The following WWOX variants were observed in gnomAD, a reference collection of about 807,000 sequenced individuals.
WWOX encodes the protein WW domain-containing oxidoreductase.
A neutral mutation model predicts 46.2 loss-of-function variants in WWOX; 69 were observed. The observed-to-expected ratio is 1.49, with a 90% CI of 1.23 to 1.82. The LOEUF (loss-of-function observed/expected upper bound fraction) is 1.82. Ranked by LOEUF, WWOX falls within the 40% of genes most tolerant of loss-of-function variation. The pLI is 0.00. For synonymous variants in WWOX, 359 were observed against 202.6 expected (o/e 1.77, Z -6.56); for missense variants, 919 against 542.6 (o/e 1.69, Z -6.89).
chr16:78,283,686 A>G (rs1285512400), intron 5 of WWOX, among the ~76,000 whole-genome samples: 1 of 151,936 alleles, frequency 6.6e-6, no homozygotes, highest in African/African-American at 2.4e-5. Flanking sequence ...TTCTTAAGAC[A>G]TCGAAAAATT....
At chr16:78,490,207 A>C (rs1337057287) in intron 8 of WWOX, among the ~76,000 whole-genome samples, 1 of 151,870 alleles carries the variant, frequency 6.6e-6, no homozygotes, top group Non-Finnish European at 1.5e-5. Flanking sequence ...AGGACGTACA[A>C]GGTGAATAGC....
At chr16:78,611,489 C>T (rs2045899116) in intron 8 of WWOX, among the ~76,000 whole-genome samples, 1 of 152,172 alleles carries the variant, frequency 6.6e-6, no homozygotes, top group South Asian at 2.1e-4. Context: ...TCCCTGGAGG[C>T]CTCCCTGCCC....
chr16:78,261,772 GTATCTATCTATCTATCTATATATATATA>G (rs1229590667), intron 5 of WWOX, among the ~76,000 whole-genome samples: 4 of 129,992 alleles, frequency 3.1e-5, no homozygotes, highest in Admixed American at 1.5e-4. Flanking sequence ...ATCTATCTAT[GTATCTATCTATCTATCTATATATATATA>G]TATATATATA....
intron 8 of WWOX, among the ~76,000 whole-genome samples, chr16:79,153,983 C>T (rs1467152874): frequency 2.6e-5 from 4 of 152,132 alleles, no homozygotes; most frequent in African/African-American, 9.7e-5. Context: ...CATGGATGCA[C>T]CCCAGAAGCA....
chr16:78,384,934 G>C (rs2082029468), intron 5 of WWOX, among the ~76,000 whole-genome samples: 1 of 152,066 alleles, frequency 6.6e-6, no homozygotes, highest in Non-Finnish European at 1.5e-5. Flanking sequence ...AAGAGATTGA[G>C]ACCATCCTGG....
chr16:78,948,166 G>A (rs1361196765), intron 8 of WWOX, among the ~76,000 whole-genome samples: 2 of 152,178 alleles, frequency 1.3e-5, no homozygotes, highest in African/African-American at 2.4e-5. Flanking sequence ...GGTAACACCT[G>A]CCTCCGTGGT....
chr16:78,855,988 C>G (rs923762322), intron 8 of WWOX, among the ~76,000 whole-genome samples: 4 of 152,130 alleles, frequency 2.6e-5, no homozygotes, highest in Admixed American at 1.3e-4. Context: ...ACAAGGTACC[C>G]AAGAAGGAGG....
chr16:78,732,681 G>C (rs893096481), intron 8 of WWOX, among the ~76,000 whole-genome samples: 3 of 151,980 alleles, frequency 2.0e-5, no homozygotes, highest in African/African-American at 7.2e-5. Context: ...GATAGGTGCA[G>C]GCATATATGA....
At chr16:78,702,987 C>G (rs989335121) in intron 8 of WWOX, among the ~76,000 whole-genome samples, 6 of 152,158 alleles carry the variant, frequency 3.9e-5, no homozygotes, top group Non-Finnish European at 7.4e-5. Context: ...CATAGGATAA[C>G]TCTCCGCTCC....
chr16:78,182,903 A>AT (rs1338355305), intron 5 of WWOX, among the ~76,000 whole-genome samples: 5 of 146,504 alleles, frequency 3.4e-5, no homozygotes, highest in African/African-American at 1.3e-4. Context: ...GTGAGCCGAG[A>AT]TTGCGCCACT....
chr16:78,128,826 C>T (rs1291731936), intron 4 of WWOX, among the ~76,000 whole-genome samples: 4 of 152,184 alleles, frequency 2.6e-5, no homozygotes, highest in African/African-American at 9.7e-5. Context: ...CTGTGTGATA[C>T]AGCAAGGCAG....
At chr16:78,255,564 T>G (rs2038105984) in intron 5 of WWOX, among the ~76,000 whole-genome samples, 1 of 152,116 alleles carries the variant, frequency 6.6e-6, no homozygotes, top group South Asian at 2.1e-4. Flanking sequence ...GGGGGCATGT[T>G]TACTCTCCTG....
intron 8 of WWOX, among the ~76,000 whole-genome samples, chr16:78,971,099 A>G (rs2046459786): frequency 6.6e-6 from 1 of 152,094 alleles, no homozygotes; most frequent in South Asian, 2.1e-4. Context: ...CAATATATAT[A>G]TCAGGTAAGA....
At chr16:78,394,589 A>G (rs1405188460) in intron 6 of WWOX, among the ~76,000 whole-genome samples, 1 of 152,214 alleles carries the variant, frequency 6.6e-6, no homozygotes, top group African/African-American at 2.4e-5. Context: ...AAAACATCAA[A>G]GTATGACCGT....
At chr16:78,540,033 C>CACAG (rs1298855381) in intron 8 of WWOX, among the ~76,000 whole-genome samples, 4 of 151,284 alleles carry the variant, frequency 2.6e-5, no homozygotes, top group Non-Finnish European at 5.9e-5. Flanking sequence ...CACACACACA[C>CACAG]ACACACACAC....
intron 8 of WWOX, among the ~76,000 whole-genome samples, chr16:79,095,791 T>C: frequency 6.6e-6 from 1 of 151,566 alleles, no homozygotes; most frequent in East Asian, 1.9e-4. Flanking sequence ...GAAAGCCGAC[T>C]TCACCCTTGC....
intron 8 of WWOX, among the ~76,000 whole-genome samples, chr16:78,500,835 C>G (rs2085044324): frequency 6.6e-6 from 1 of 152,218 alleles, no homozygotes; most frequent in East Asian, 1.9e-4. Context: ...GCATGTACAA[C>G]AGCGCCTGTG....
intron 8 of WWOX, among the ~76,000 whole-genome samples, chr16:79,001,396 AG>A (rs1404889698): frequency 6.6e-6 from 1 of 152,142 alleles, no homozygotes; most frequent in African/African-American, 2.4e-5. Context: ...AAGGATTTGT[AG>A]CAAAACCCAG....
chr16:78,648,051 C>G (rs1219572909), intron 8 of WWOX, among the ~76,000 whole-genome samples: 2 of 152,202 alleles, frequency 1.3e-5, no homozygotes, highest in Admixed American at 6.5e-5. Context: ...CACACTTACT[C>G]TTATTCACCC....
Sources: allele counts gnomAD v4.1 joint callset (sites outside exome capture counted in the v4.1 genomes callset), GRCh38; gene constraint gnomAD v4.1.1; transcripts MANE v1.5; gene names NCBI Gene and HGNC (gene_info 2026-07-23, HGNC 2026-07-21).